Variants in HMGN5 observed in about 807,000 individuals in gnomAD.
HMGN5 encodes the protein high mobility group nucleosome binding domain 5.
In HMGN5, 4 loss-of-function variants were observed where a neutral mutation model predicts 9.5. The ratio of observed to expected loss-of-function variants is 0.42; its 90% CI spans 0.21 to 0.96. HMGN5 has a LOEUF of 0.96. HMGN5 is among the 40% of genes least tolerant of loss of function. The probability of loss-of-function intolerance (pLI) is 0.30; values close to 1 mark genes in which losing one functional copy is unlikely to be tolerated. For missense variants in HMGN5, 192 were observed against 187.5 expected, an observed-to-expected ratio of 1.02 and a Z score of -0.14; for synonymous variants, 55 against 57.1, an observed-to-expected ratio of 0.96 and a Z score of 0.16.
chrX:81,122,024 C>T (rs1414982314), intron 1 of HMGN5, among the ~76,000 whole-genome samples: 2 of 112,127 alleles, frequency 1.8e-5, no homozygotes, highest in African/African-American at 6.5e-5. Flanking sequence ...GCCTCCAAAC[C>T]CGCCACCCTT....
intron 1 of HMGN5, among the ~76,000 whole-genome samples, chrX:81,145,043 C>T (rs781721957): frequency 1.4e-4 from 16 of 111,546 alleles, no homozygotes; most frequent in African/African-American, 2.0e-4. Context: ...CTGAAAGTGA[C>T]GGGGAGAATG....
chrX:81,159,298 G>C (rs2075392327), intron 1 of HMGN5, among the ~76,000 whole-genome samples: 1 of 110,991 alleles, frequency 9.0e-6, no homozygotes, highest in South Asian at 3.9e-4. Flanking sequence ...CTTAATGCTT[G>C]GGTGATGAGT....
chrX:81,153,952 T>G (rs977810325), intron 1 of HMGN5, among the ~76,000 whole-genome samples: 1 of 108,171 alleles, frequency 9.2e-6, no homozygotes, highest in Admixed American at 1.0e-4. Flanking sequence ...CCCTAAGCAA[T>G]CTACAGACTT....
At chrX:81,186,912 T>C (rs1041204211) in intron 1 of HMGN5, among the ~76,000 whole-genome samples, 1 of 111,663 alleles carries the variant, frequency 9.0e-6, no homozygotes, top group African/African-American at 3.2e-5. Context: ...TTATCGTTTG[T>C]TTCAACCAAT....
At position 81,114,461 on chromosome X, in the gene HMGN5, C is replaced by T. The variant is rs1051318971; in HGVS notation, c.*188G>A. Reference sequence around the variant, plus strand: ...TCTATGTATTCCACTACTATAATCACAAAATTTATAGATAAATGTTTCATG... The same window carrying T: ...TCTATGTATTCCACTACTATAATCATAAAATTTATAGATAAATGTTTCATG... On this transcript the variant is annotated 3_prime_UTR_variant, in exon 7 of 7. Coordinates refer to ENST00000358130, the MANE Select transcript of HMGN5 (RefSeq NM_030763.3). 5.0e-5 allele frequency: 19 copies of T among 377,902 alleles called. No homozygotes were observed. The highest frequency in any genetic ancestry group is 7.8e-5 in the Non-Finnish European group (19 of 242,216). 31.1% of individuals were successfully genotyped at this position (377,902 alleles called of 1,213,427 possible).
chrX:81,197,313 A>G (rs2075511755), intron 1 of HMGN5, among the ~76,000 whole-genome samples: 1 of 112,329 alleles, frequency 8.9e-6, no homozygotes, highest in Non-Finnish European at 1.9e-5. Context: ...TACAAATAGT[A>G]AACTTAATAT....
intron 1 of HMGN5, among the ~76,000 whole-genome samples, chrX:81,162,068 T>C (rs2075398908): frequency 9.0e-6 from 1 of 111,128 alleles, no homozygotes; most frequent in African/African-American, 3.3e-5. Context: ...TCCTAGAACC[T>C]TTCAGACAGA....
intron 1 of HMGN5, among the ~76,000 whole-genome samples, chrX:81,178,739 A>T (rs774345849): frequency 9.0e-6 from 1 of 111,611 alleles, no homozygotes; most frequent in Non-Finnish European, 1.9e-5. Context: ...CCTGGTAAAG[A>T]CACAACAAAA....
intron 1 of HMGN5, among the ~76,000 whole-genome samples, chrX:81,170,022 C>G (rs1225194699): frequency 2.0e-5 from 2 of 101,089 alleles, no homozygotes; most frequent in Non-Finnish European, 4.0e-5. Context: ...CCACTGCACT[C>G]CAACCTGGGA....
At chrX:81,125,431 T>C (rs750904007) in intron 1 of HMGN5, among the ~76,000 whole-genome samples, 11 of 111,508 alleles carry the variant, frequency 9.9e-5, no homozygotes, top group African/African-American at 3.6e-4. Context: ...TTGTTTAAGA[T>C]TGATATCAGA....
intron 1 of HMGN5, among the ~76,000 whole-genome samples, chrX:81,190,704 G>A (rs1443975448): frequency 1.8e-5 from 2 of 111,391 alleles, no homozygotes; most frequent in African/African-American, 6.5e-5. Context: ...TTATAGTTTT[G>A]CATTTTAAAT....
intron 1 of HMGN5, among the ~76,000 whole-genome samples, chrX:81,155,858 C>A (rs1178297669): frequency 9.0e-6 from 1 of 111,088 alleles, no homozygotes; most frequent in Admixed American, 9.6e-5. Flanking sequence ...TATACATGAA[C>A]CTATATTTGT....
chrX:81,133,667 T>C (rs1366121449), intron 1 of HMGN5, among the ~76,000 whole-genome samples: 4 of 110,862 alleles, frequency 3.6e-5, no homozygotes, highest in Non-Finnish European at 7.6e-5. Context: ...TGAGAACACA[T>C]GGGCATACAA....
chrX:81,140,348 C>T (rs1307646945), intron 1 of HMGN5, among the ~76,000 whole-genome samples: 1 of 110,295 alleles, frequency 9.1e-6, no homozygotes, highest in Non-Finnish European at 1.9e-5. Flanking sequence ...ATCACGAGGT[C>T]AGGAGATTGA....
intron 1 of HMGN5, among the ~76,000 whole-genome samples, chrX:81,158,060 G>A (rs1402257009): frequency 9.0e-6 from 1 of 111,501 alleles, no homozygotes; most frequent in Non-Finnish European, 1.9e-5. Flanking sequence ...GATTACAGGT[G>A]TGAGCCACCA....
At chrX:81,125,027 G>C (rs973143428) in intron 1 of HMGN5, among the ~76,000 whole-genome samples, 3 of 109,849 alleles carry the variant, frequency 2.7e-5, no homozygotes, top group Non-Finnish European at 5.7e-5. Flanking sequence ...ATGAGAAAAG[G>C]AATGCTAAAC....
chrX:81,200,705 CG>C (rs1049736262), intron 1 of HMGN5, among the ~76,000 whole-genome samples: 3 of 110,936 alleles, frequency 2.7e-5, no homozygotes, highest in Non-Finnish European at 5.7e-5. Flanking sequence ...CGGGGCCAGT[CG>C]GGGGGTGGGG....
chrX:81,190,269 A>C (rs951958923), intron 1 of HMGN5, among the ~76,000 whole-genome samples: 6 of 111,772 alleles, frequency 5.4e-5, no homozygotes, highest in African/African-American at 1.9e-4. Context: ...TGTCTTCTGC[A>C]GAGCTGAACT....
chrX:81,165,571 C>G (rs1190458106), intron 1 of HMGN5, among the ~76,000 whole-genome samples: 2 of 111,317 alleles, frequency 1.8e-5, no homozygotes, highest in African/African-American at 6.5e-5. Context: ...GGGCATTATC[C>G]TATAAAATTC....
Sources: gnomAD v4.1 joint callset for allele counts (sites outside exome capture counted in the v4.1 genomes callset) on GRCh38, gnomAD v4.1.1 for gene constraint, MANE v1.5 for transcripts, NCBI Gene and HGNC (gene_info 2026-07-23, HGNC 2026-07-21) for gene names.